ORC3: variants seen among roughly 807,000 people sequenced by gnomAD.
The protein encoded by ORC3 is homolog of latheo, Drosophila.
Under a neutral mutation model 100.7 loss-of-function variants are expected in ORC3, and 78 were observed. The observed-to-expected ratio is 0.77, with a 90% CI of 0.65 to 0.94. The LOEUF (loss-of-function observed/expected upper bound fraction) is 0.94. Among genes scored for constraint, ORC3 ranks in the 40% least tolerant of loss-of-function variants. The pLI, the probability that ORC3 is intolerant of heterozygous loss-of-function variation, is 0.00. For missense variants in ORC3, 789 were observed against 823.9 expected (o/e 0.96, Z 0.52); for synonymous variants, 295 against 289.3 (o/e 1.02, Z -0.20).
chr6:87,662,879 T>C (rs929125349), intron 16 of ORC3, 124 bp from the exon 17 acceptor site: 6 of 491,604 alleles, frequency 1.2e-5, no homozygotes, highest in African/African-American at 1.0e-4. Flanking sequence ...AGAGAGAGGA[T>C]TGACAAAAAT....
rs185551684 is a variant in ORC3 at position 87,638,811 on chromosome 6, T to C, written c.1382+2325T>C. Among the ~76,000 whole-genome samples the C allele has an allele frequency of 2.6e-5, 4 of 152,284 alleles. No homozygotes were observed. In the East Asian group the frequency reaches 7.7e-4, roughly 29 times the overall value. ...CTTAGTTACACTTAACACATTATTTTTTCACTGTACCAATGGTGTGTCCTG... is the reference window on the plus strand; with the variant it reads ...CTTAGTTACACTTAACACATTATTTCTTCACTGTACCAATGGTGTGTCCTG... On this transcript the variant is annotated intron_variant, in intron 13 of 19. Transcript: ENST00000392844.
Position 87,646,042 on chromosome 6 carries a change from A to G in ORC3, c.1383-7074A>G, listed in dbSNP as rs186697240. Among the ~76,000 whole-genome samples, 323 of 137,302 alleles carry G rather than the reference A, an allele frequency of 2.4e-3. 2 individuals carry two copies. The highest frequency in any genetic ancestry group is 2.7e-3 in the Non-Finnish European group (182 of 66,382). 90.1% of individuals were successfully genotyped at this position (137,302 alleles called of 152,430 possible). A position where few individuals can be genotyped will look rare whatever the true frequency, so the allele number is the denominator to read the frequency against. Reference sequence around the variant, plus strand: ...TGCGCTGTTGCCCAGGCTGGAGTGCAGTGGCATGATCTCAGCTCACTGCAC... The same window carrying G: ...TGCGCTGTTGCCCAGGCTGGAGTGCGGTGGCATGATCTCAGCTCACTGCAC... On this transcript the variant is annotated intron_variant, in intron 13 of 19. Coordinates refer to ENST00000392844, the MANE Select transcript of ORC3 (RefSeq NM_012381.4).
At chr6:87,655,653 AATT>A (rs1320647734) in intron 14 of ORC3, among the ~76,000 whole-genome samples, 3 of 150,552 alleles carry the variant, frequency 2.0e-5, no homozygotes, top group Non-Finnish European at 3.0e-5. Flanking sequence ...TCATCAGCCT[AATT>A]ATTATTATTA....
the ORC3 span, among the ~76,000 whole-genome samples, chr6:87,674,600 G>A: frequency 6.9e-6 from 1 of 144,672 alleles, no homozygotes; most frequent in African/African-American, 2.8e-5. Flanking sequence ...ATTCTATCAG[G>A]CAGTAAGTTA....
chr6:87,602,975 A>ATATTT (rs2128248689), intron 3 of ORC3, among the ~76,000 whole-genome samples: 1 of 84,212 alleles, frequency 1.2e-5, no homozygotes, highest in African/African-American at 4.8e-5. Context: ...ATATATACAT[A>ATATTT]TATATATACA....
intron 11 of ORC3, among the ~76,000 whole-genome samples, chr6:87,631,628 G>A (rs1047601974): frequency 6.6e-6 from 1 of 151,940 alleles, no homozygotes; most frequent in African/African-American, 2.4e-5. Context: ...AAGTAGCTGG[G>A]ATTACAGGCT....
At chr6:87,644,078 C>CTTTTTTTTTTTTTTTTTTTT (rs1562366830) in intron 13 of ORC3, among the ~76,000 whole-genome samples, 1 of 86,318 alleles carries the variant, frequency 1.2e-5, no homozygotes, top group South Asian at 3.9e-4. Context: ...GGCTGACTGT[C>CTTTTTTTTTTTTTTTTTTTT]CTTTTTTTTT....
chr6:87,622,340 C>T (rs903697558), intron 11 of ORC3, among the ~76,000 whole-genome samples: 3 of 151,974 alleles, frequency 2.0e-5, no homozygotes, highest in African/African-American at 4.8e-5. Flanking sequence ...CCAGCAATTT[C>T]GTTGTAATGT....
intron 3 of ORC3, among the ~76,000 whole-genome samples, chr6:87,602,954 A>ATATATATATATATATATATATATAT (rs1554236515): frequency 2.1e-5 from 2 of 95,274 alleles, no homozygotes; most frequent in African/African-American, 4.2e-5. Flanking sequence ...ACACATATAT[A>ATATATATATATATATATATATATAT]ATATATATAT....
intron 9 of ORC3, among the ~76,000 whole-genome samples, chr6:87,616,827 G>A (rs1378208431): frequency 1.3e-5 from 2 of 151,702 alleles, no homozygotes; most frequent in Non-Finnish European, 2.9e-5. Flanking sequence ...TCGAGATGGA[G>A]TTTCACTTTG....
At chr6:87,671,188 G>A (rs1351582456), downstream of ORC3, among the ~76,000 whole-genome samples, 4 of 152,114 alleles carry the variant, frequency 2.6e-5, no homozygotes, top group Non-Finnish European at 4.4e-5. Flanking sequence ...TATGAGAGTA[G>A]AATAGGATGG....
rs972526473 is a variant in ORC3, at chr6:87,667,181, G to A, written c.*58G>A. On this transcript the variant is annotated 3_prime_UTR_variant, in exon 20 of 20. Coordinates refer to ENST00000392844, the MANE Select transcript of ORC3 (RefSeq NM_012381.4). ...TTAGCTTAAGAGAAAAAGGTGACCA[G>A]TCATATTTACATATATTAGAGGAGC... 3.4e-5 allele frequency: 35 copies of A among 1,038,090 alleles called. No individual in the cohort carries two copies. The East Asian group carries it at 5.6e-4, about 17-fold the overall frequency. 64.3% of individuals were successfully genotyped at this position (1,038,090 alleles called of 1,614,324 possible).
At chr6:87,663,281 A>T (rs1026364730) in intron 17 of ORC3, 137 bp downstream of exon 17, 4 of 615,214 alleles carry the variant, frequency 6.5e-6, no homozygotes, top group Non-Finnish European at 7.8e-6. Context: ...ATATATTTTT[A>T]AAAATTCTTT....
In ORC3 at chr6:87,665,768, T is replaced by C; in HGVS notation, c.1965T>C (p.Val655=). The change falls in exon 19 of 20, where the codon GTT becomes GTC. Residue 655 remains valine (V), a synonymous_variant. Transcript: ENST00000392844. ...CTATTCAAAAGGCTTTTGCAACAGT[T>C]GTGACAGCTGCTGAAAAAATGGATG... is the stretch of plus-strand genomic sequence containing the variant. ...LVDWSEAFAT[V]VTAAEKMDAN... The C allele has an allele frequency of 6.2e-7, 1 of 1,610,972 alleles. No homozygotes were observed. The highest frequency in any genetic ancestry group is 8.5e-7 in the Non-Finnish European group (1 of 1,177,422).
chr6:87,603,574 GTT>G, intron 4 of ORC3, 46 bp downstream of exon 4: 1 of 1,318,980 alleles, frequency 7.6e-7, no homozygotes, highest in Non-Finnish European at 1.0e-6. Context: ...TGTGTATTTC[GTT>G]TTTAAATTTT....
chr6:87,615,698 A>G (rs1035126295), intron 8 of ORC3, among the ~76,000 whole-genome samples: 22 of 152,164 alleles, frequency 1.4e-4, no homozygotes, highest in African/African-American at 5.1e-4. Context: ...TTTCCTCTAC[A>G]AAAAGAAAAC....
At chr6:87,630,519 G>A (rs1014111337) in intron 11 of ORC3, among the ~76,000 whole-genome samples, 2 of 152,190 alleles carry the variant, frequency 1.3e-5, no homozygotes, top group Non-Finnish European at 2.9e-5. Flanking sequence ...TCTAGGTTTT[G>A]AGAATACAGG....
At chr6:87,605,449 G>C (rs1010407698) in intron 4 of ORC3, among the ~76,000 whole-genome samples, 6 of 152,192 alleles carry the variant, frequency 3.9e-5, no homozygotes, top group Admixed American at 3.9e-4. Context: ...TCGGGAGTTT[G>C]AGACCAGCCT....
At chr6:87,623,890 A>G (rs1779707041) in intron 11 of ORC3, among the ~76,000 whole-genome samples, 1 of 152,112 alleles carries the variant, frequency 6.6e-6, no homozygotes, top group East Asian at 1.9e-4. Context: ...TCTTTAAAAA[A>G]AAACAAAACA....
Sources: allele counts gnomAD v4.1 joint callset (sites outside exome capture counted in the v4.1 genomes callset), GRCh38; gene constraint gnomAD v4.1.1; transcripts MANE v1.5; gene names NCBI Gene and HGNC (gene_info 2026-07-23, HGNC 2026-07-21).